DCLK1: variants seen among roughly 807,000 people sequenced by gnomAD.
The protein encoded by DCLK1 is serine/threonine-protein kinase DCLK1.
Under a neutral mutation model 86.2 loss-of-function variants are expected in DCLK1, and 16 were observed. The ratio of observed to expected loss-of-function variants is 0.19; its 90% CI spans 0.13 to 0.28. The LOEUF is 0.28. DCLK1 is among the 10% of genes least tolerant of loss of function. The probability of loss-of-function intolerance (pLI) is 1.00; values close to 1 mark genes in which losing one functional copy is unlikely to be tolerated. For missense variants in DCLK1, 590 were observed against 940.2 expected (o/e 0.63, Z 4.87); for synonymous variants, 369 against 370.5 (o/e 1.00, Z 0.05).
chr13:35,814,600 C>T (rs8001752), intron 11 of DCLK1, among the ~76,000 whole-genome samples: 41,837 of 152,104 alleles, frequency 0.28, 6,496 homozygotes, highest in African/African-American at 0.42. Flanking sequence ...ATGTGACCCA[C>T]ACGTGAAGTG....
intron 10 of DCLK1, among the ~76,000 whole-genome samples, chr13:35,826,006 G>A (rs2087515225): frequency 6.6e-6 from 1 of 151,632 alleles, no homozygotes; most frequent in Non-Finnish European, 1.5e-5. Context: ...TAGAGACGGG[G>A]TTTCACCATG....
At chr13:35,999,831 G>A (rs1027065043) in intron 3 of DCLK1, among the ~76,000 whole-genome samples, 5 of 152,192 alleles carry the variant, frequency 3.3e-5, no homozygotes, top group Admixed American at 3.3e-4. Context: ...GCGGTCTGCT[G>A]ACCTGCAGCT....
intron 3 of DCLK1, among the ~76,000 whole-genome samples, chr13:36,058,320 C>T (rs1883411179): frequency 6.6e-6 from 1 of 152,172 alleles, no homozygotes; most frequent in African/African-American, 2.4e-5. Context: ...AGAAAGGGAA[C>T]TTTTCCCAGA....
intron 16 of DCLK1, among the ~76,000 whole-genome samples, chr13:35,785,874 A>G (rs2086612755): frequency 6.6e-6 from 1 of 152,188 alleles, no homozygotes; most frequent in Non-Finnish European, 1.5e-5. Flanking sequence ...CAGTAAGGAG[A>G]GCGTGTACGT....
intron 4 of DCLK1, among the ~76,000 whole-genome samples, chr13:35,878,793 ATT>A (rs5802788): frequency 0.063 from 9,438 of 149,370 alleles, 737 homozygotes; most frequent in African/African-American, 0.19. Context: ...TAAAAATTAC[ATT>A]TTTTTTTTTT....
At chr13:35,880,095 G>A (rs143979871) in intron 4 of DCLK1, among the ~76,000 whole-genome samples, 108 of 152,226 alleles carry the variant, frequency 7.1e-4, no homozygotes, top group Admixed American at 7.2e-4. Context: ...CAATGCATTC[G>A]TATACTCTTT....
chr13:36,022,857 T>G (rs149495490), intron 3 of DCLK1, among the ~76,000 whole-genome samples: 1 of 152,016 alleles, frequency 6.6e-6, no homozygotes, highest in African/African-American at 2.4e-5. Context: ...CTTTATAAAC[T>G]CTTCCAAAAA....
At chr13:36,020,654 T>TA (rs1231353931) in intron 3 of DCLK1, among the ~76,000 whole-genome samples, 1 of 151,950 alleles carries the variant, frequency 6.6e-6, no homozygotes, top group Non-Finnish European at 1.5e-5. Flanking sequence ...AATAAGAGTC[T>TA]AAAAAAGATT....
intron 5 of DCLK1, among the ~76,000 whole-genome samples, chr13:35,870,926 G>C (rs1166631055): frequency 6.6e-6 from 1 of 152,212 alleles, no homozygotes; most frequent in Non-Finnish European, 1.5e-5. Flanking sequence ...GAGACTTCCA[G>C]AATCTGAAAG....
At chr13:35,918,892 G>GTGTTTT (rs780502143) in intron 4 of DCLK1, among the ~76,000 whole-genome samples, 1 of 76,310 alleles carries the variant, frequency 1.3e-5, no homozygotes, top group African/African-American at 4.4e-5. Context: ...TTCTGAGTGT[G>GTGTTTT]TTTTTTTTTT....
intron 4 of DCLK1, among the ~76,000 whole-genome samples, chr13:35,896,804 A>T (rs745632392): frequency 4.6e-5 from 7 of 152,186 alleles, no homozygotes; most frequent in South Asian, 2.1e-4. Flanking sequence ...ATTCCAACAT[A>T]AGGTGCTAAG....
intron 15 of DCLK1, among the ~76,000 whole-genome samples, chr13:35,799,291 G>A (rs188396213): frequency 6.6e-6 from 1 of 151,788 alleles, no homozygotes; most frequent in East Asian, 2.0e-4. Context: ...TGCTCTTGTT[G>A]CCCAGGTTAG....
chr13:36,066,599 C>T (rs140986453), intron 3 of DCLK1, among the ~76,000 whole-genome samples: 13 of 152,194 alleles, frequency 8.5e-5, no homozygotes, highest in African/African-American at 3.1e-4. Flanking sequence ...GCTAAAGAAA[C>T]TATCATCAGA....
intron 2 of DCLK1, among the ~76,000 whole-genome samples, chr13:36,124,598 G>C (rs931537125): frequency 6.6e-6 from 1 of 152,212 alleles, no homozygotes; most frequent in African/African-American, 2.4e-5. Context: ...TCAGGGGAGA[G>C]CAGCCCCCAA....
intron 3 of DCLK1, among the ~76,000 whole-genome samples, chr13:35,982,138 C>T (rs1879673407): frequency 6.6e-6 from 1 of 151,948 alleles, no homozygotes; most frequent in Admixed American, 6.6e-5. Flanking sequence ...TTCACCACAC[C>T]CACCCGGAGG....
rs533933820 is a variant in DCLK1, at chr13:35,871,596, T to C, written c.824-256A>G. Among the ~76,000 whole-genome samples, 6 of 152,240 alleles carry C rather than the reference T, an allele frequency of 3.9e-5. No individual in the cohort carries two copies. In the South Asian group the frequency reaches 1.2e-3, roughly 32 times the overall value. ...TCCTTACAATAATATTTTGGCTAGA[T>C]TGGGAGTGATATAGGCTAATAAAGA... On this transcript the variant is annotated intron_variant, in intron 4 of 16. Transcript: ENST00000360631.
chr13:35,796,063 A>C (rs1030083861), intron 15 of DCLK1, among the ~76,000 whole-genome samples: 1 of 152,166 alleles, frequency 6.6e-6, no homozygotes, highest in African/African-American at 2.4e-5. Context: ...ACATTTGACA[A>C]GGGATAAAAT....
At chr13:35,911,127 CAA>C (rs60440999) in intron 4 of DCLK1, among the ~76,000 whole-genome samples, 6 of 122,192 alleles carry the variant, frequency 4.9e-5, no homozygotes, top group South Asian at 2.8e-4. Context: ...ACTAAAAATA[CAA>C]AAAAAAAAAA....
At chr13:36,066,715 AAAAC>A (rs1211707562) in intron 3 of DCLK1, among the ~76,000 whole-genome samples, 17 of 152,082 alleles carry the variant, frequency 1.1e-4, no homozygotes, top group Non-Finnish European at 2.2e-4. Context: ...TTACAAGAAA[AAAAC>A]AAACAACCCC....
Sources: allele counts gnomAD v4.1 joint callset (sites outside exome capture counted in the v4.1 genomes callset), GRCh38; gene constraint gnomAD v4.1.1; transcripts MANE v1.5; gene names NCBI Gene and HGNC (gene_info 2026-07-23, HGNC 2026-07-21).